The following SUGCT variants were observed in gnomAD, a reference collection of about 807,000 sequenced individuals.
The protein encoded by SUGCT is succinyl-CoA:glutarate-CoA transferase.
Under a neutral mutation model 55.0 loss-of-function variants are expected in SUGCT, and 41 were observed. That is an observed-to-expected ratio of 0.74 (90% CI 0.58 to 0.97). The LOEUF (loss-of-function observed/expected upper bound fraction) is 0.97. SUGCT is among the 50% of genes least tolerant of loss of function. SUGCT has a pLI of 0.00. For synonymous variants in SUGCT, 187 were observed against 200.4 expected, an observed-to-expected ratio of 0.93 and a Z score of 0.56; for missense variants, 568 against 547.8, an observed-to-expected ratio of 1.04 and a Z score of -0.37.
At chr7:40,824,528 G>C (rs1182521570) in intron 13 of SUGCT, among the ~76,000 whole-genome samples, 1 of 152,104 alleles carries the variant, frequency 6.6e-6, no homozygotes, top group Non-Finnish European at 1.5e-5. Context: ...ATATAATATG[G>C]TATGCATTCG....
chr7:40,640,054 TTGC>T (rs1277401403), intron 12 of SUGCT, among the ~76,000 whole-genome samples: 2 of 152,178 alleles, frequency 1.3e-5, no homozygotes, highest in African/African-American at 4.8e-5. Context: ...CTTAAGGCAC[TTGC>T]TAGAACTCAT....
At chr7:40,849,720 C>T (rs989290720) in intron 13 of SUGCT, among the ~76,000 whole-genome samples, 31 of 151,750 alleles carry the variant, frequency 2.0e-4, no homozygotes, top group Non-Finnish European at 1.9e-4. Context: ...ACAAAACCAC[C>T]GGGACCGTGT....
chr7:40,204,364 G>A (rs572702776), intron 6 of SUGCT, among the ~76,000 whole-genome samples: 46 of 150,146 alleles, frequency 3.1e-4, no homozygotes, highest in African/African-American at 4.7e-4. Flanking sequence ...GTGCAGTGGC[G>A]CGATCTTGGC....
chr7:40,321,435 T>C (rs1305323426), intron 9 of SUGCT, among the ~76,000 whole-genome samples: 1 of 150,920 alleles, frequency 6.6e-6, no homozygotes, highest in Non-Finnish European at 1.5e-5. Flanking sequence ...GAGGCTGGAG[T>C]GTAATGGTGC....
chr7:40,982,704 G>A, the SUGCT span, among the ~76,000 whole-genome samples: 1 of 152,078 alleles, frequency 6.6e-6, no homozygotes, highest in African/African-American at 2.4e-5. Flanking sequence ...AGGCTAGAGT[G>A]CAGTGGCATG....
chr7:40,286,892 C>T (rs574201787), intron 8 of SUGCT, among the ~76,000 whole-genome samples: 14 of 152,134 alleles, frequency 9.2e-5, no homozygotes, highest in African/African-American at 2.7e-4. Flanking sequence ...CCTGTAGAGC[C>T]GGAGTTGACT....
chr7:40,504,953 C>T (rs1792506295), intron 12 of SUGCT, among the ~76,000 whole-genome samples: 1 of 152,118 alleles, frequency 6.6e-6, no homozygotes, highest in African/African-American at 2.4e-5. Flanking sequence ...TGAAAACATA[C>T]TTTGTGTGAT....
rs1261532286 is a variant in SUGCT, at chr7:40,754,533, C to G, written c.1153+5036C>G. 2.0e-5 allele frequency among the ~76,000 whole-genome samples: 3 copies of G among 152,254 alleles called. No homozygotes were observed. In the East Asian group the frequency reaches 5.8e-4, roughly 29 times the overall value. On this transcript the variant is annotated intron_variant, in intron 13 of 13. Coordinates refer to ENST00000335693, the MANE Select transcript of SUGCT (RefSeq NM_001193313.2). The stretch of plus-strand genomic sequence containing the variant: ...TGGATAGGACCAGTCCCTCGTGGAG[C>G]TTATGCTTGGCCAGGGAAACAGGCA...
At chr7:40,650,025 C>A (rs1800698211) in intron 12 of SUGCT, among the ~76,000 whole-genome samples, 1 of 152,186 alleles carries the variant, frequency 6.6e-6, no homozygotes, top group Admixed American at 6.5e-5. Flanking sequence ...ACATGCTGGC[C>A]TAGGCTGCAT....
the SUGCT span, among the ~76,000 whole-genome samples, chr7:40,935,795 T>C: frequency 9.8e-5 from 15 of 152,340 alleles, no homozygotes; most frequent in East Asian, 2.9e-3. Flanking sequence ...GGTAACTCTA[T>C]ATTTAACTTC....
the SUGCT span, among the ~76,000 whole-genome samples, chr7:40,988,973 A>G: frequency 6.6e-6 from 1 of 152,076 alleles, no homozygotes; most frequent in Non-Finnish European, 1.5e-5. Context: ...AAATATCACA[A>G]TAAAGCAAGT....
chr7:40,846,357 C>T (rs988626912), intron 13 of SUGCT, among the ~76,000 whole-genome samples: 9 of 146,512 alleles, frequency 6.1e-5, no homozygotes, highest in East Asian at 2.4e-4. Context: ...AATAATGACA[C>T]GCAAACACTA....
At chr7:40,274,766 A>C in intron 8 of SUGCT, 110 bp downstream of exon 8, 1 of 962,176 alleles carries the variant, frequency 1.0e-6, no homozygotes, top group South Asian at 1.5e-5. Flanking sequence ...AAAAACCAAC[A>C]CAACAACACT....
chr7:40,839,392 A>G (rs2128787322), intron 13 of SUGCT, among the ~76,000 whole-genome samples: 1 of 152,232 alleles, frequency 6.6e-6, no homozygotes, highest in East Asian at 1.9e-4. Context: ...GTAAGCATGT[A>G]TCACCCTGCC....
intron 9 of SUGCT, among the ~76,000 whole-genome samples, chr7:40,394,228 A>G (rs761387041): frequency 2.0e-5 from 3 of 152,110 alleles, no homozygotes; most frequent in South Asian, 2.1e-4. Flanking sequence ...CATCATCAAT[A>G]TTTTTAAAAT....
chr7:40,687,466 A>G (rs1464742653), intron 12 of SUGCT, among the ~76,000 whole-genome samples: 1 of 152,166 alleles, frequency 6.6e-6, no homozygotes, highest in African/African-American at 2.4e-5. Flanking sequence ...TTTTAGCTGC[A>G]TCAGTAGTTG....
chr7:40,267,980 A>C (rs1266713883), intron 7 of SUGCT, among the ~76,000 whole-genome samples: 1 of 152,146 alleles, frequency 6.6e-6, no homozygotes, highest in Non-Finnish European at 1.5e-5. Context: ...ATGAAAGAAA[A>C]CTTCTAGAAT....
At position 40,801,349 on chromosome 7, in the gene SUGCT, G is replaced by A. The variant is rs550386267; in HGVS notation, c.1153+51852G>A. Among the ~76,000 whole-genome samples, 28 of 152,212 alleles carry A rather than the reference G, an allele frequency of 1.8e-4. No individual in the cohort carries two copies. In the South Asian group the frequency reaches 5.4e-3, roughly 29 times the overall value. On this transcript the variant is annotated intron_variant, in intron 13 of 13. Transcript: ENST00000335693. ...TCCCAAACAATTCAGAACATCTTGT[G>A]GGGGGGAGGTCTGAGATGTATCTTG... is the stretch of plus-strand genomic sequence containing the variant.
chr7:40,390,894 C>G (rs1785391109), intron 9 of SUGCT, among the ~76,000 whole-genome samples: 1 of 152,188 alleles, frequency 6.6e-6, no homozygotes, highest in African/African-American at 2.4e-5. Context: ...TACTACAAGG[C>G]TACAGTAACC....
Sources: gnomAD v4.1 joint callset for allele counts (sites outside exome capture counted in the v4.1 genomes callset) on GRCh38, gnomAD v4.1.1 for gene constraint, MANE v1.5 for transcripts, NCBI Gene and HGNC (gene_info 2026-07-23, HGNC 2026-07-21) for gene names.